The following GARS1 variants were observed in gnomAD, a reference collection of about 807,000 sequenced individuals.
GARS1 encodes glycine--tRNA ligase.
Under a neutral mutation model 86.4 loss-of-function variants are expected in GARS1, and 46 were observed. The observed-to-expected ratio is 0.53, with a 90% CI of 0.42 to 0.68. The LOEUF is 0.68. GARS1 is among the 30% of genes least tolerant of loss of function. GARS1 has a pLI of 0.00. For synonymous variants in GARS1, 342 were observed against 329.8 expected (o/e 1.04, Z -0.40); for missense variants, 797 against 915.6 (o/e 0.87, Z 1.67).
At chr7:30,607,440 G>C (rs1027920181) in intron 6 of GARS1, among the ~76,000 whole-genome samples, 3 of 150,824 alleles carry the variant, frequency 2.0e-5, no homozygotes, top group Non-Finnish European at 2.9e-5. Context: ...AGCAAACTCT[G>C]ACAAGGACAG....
chr7:30,600,107 T>A, intron 3 of GARS1, 58 bp downstream of exon 3: 1 of 1,209,256 alleles, frequency 8.3e-7, no homozygotes, highest in Non-Finnish European at 1.2e-6. Context: ...ATATTATACT[T>A]AAATCAAGAA....
At chr7:30,613,183 T>C (rs956473687) in intron 8 of GARS1, among the ~76,000 whole-genome samples, 1 of 152,192 alleles carries the variant, frequency 6.6e-6, no homozygotes, top group African/African-American at 2.4e-5. Context: ...TGGGAGAAGA[T>C]GCCTATGTTC....
chr7:30,630,406 T>C (rs2128136060), intron 14 of GARS1, among the ~76,000 whole-genome samples: 1 of 152,342 alleles, frequency 6.6e-6, no homozygotes, highest in South Asian at 2.1e-4. Flanking sequence ...TATTCTGTGT[T>C]TTTGCCTTCA....
chr7:30,598,377 C>CTTTTTTTTTTTTTTTTTTTT (rs1174085518), intron 1 of GARS1, among the ~76,000 whole-genome samples: 2 of 99,612 alleles, frequency 2.0e-5, no homozygotes, highest in Non-Finnish European at 4.0e-5. Flanking sequence ...TTGCATCATT[C>CTTTTTTTTTTTTTTTTTTTT]TTTTTTTTTT....
At chr7:30,595,881 G>A (rs1791237002) in intron 1 of GARS1, 1 of 471,058 alleles carries the variant, frequency 2.1e-6, no homozygotes. Flanking sequence ...GTGTTGCGGA[G>A]TGAAGTCAGC....
At chr7:30,604,927 A>C (rs1011947999) in intron 6 of GARS1, among the ~76,000 whole-genome samples, 1 of 152,230 alleles carries the variant, frequency 6.6e-6, no homozygotes, top group Non-Finnish European at 1.5e-5. Context: ...AGAGTTGGGA[A>C]GTAACTAGTT....
intron 13 of GARS1, among the ~76,000 whole-genome samples, chr7:30,628,011 C>T (rs1274516665): frequency 1.3e-5 from 2 of 152,172 alleles, no homozygotes; most frequent in Non-Finnish European, 2.9e-5. Context: ...CATTTTTACA[C>T]AGTATAAACA....
intron 13 of GARS1, among the ~76,000 whole-genome samples, chr7:30,626,626 CAG>C (rs1330859056): frequency 1.3e-5 from 2 of 152,230 alleles, no homozygotes; most frequent in African/African-American, 4.8e-5. Context: ...GCTGAGATTA[CAG>C]GCATGAGTGA....
In GARS1 at chr7:30,622,742, A is replaced by C. The variant is rs1388551799; in HGVS notation, c.1613+280A>C. 2.4e-5 allele frequency: 10 copies of C among 418,300 alleles called. No homozygotes were observed. In the Admixed American group the frequency reaches 2.5e-4, roughly 11 times the overall value. 25.9% of individuals were successfully genotyped at this position (418,300 alleles called of 1,614,324 possible). A position where few individuals can be genotyped will look rare whatever the true frequency, so the allele number is the denominator to read the frequency against. On this transcript the variant is annotated intron_variant, in intron 12 of 16. Coordinates refer to ENST00000389266, the MANE Select transcript of GARS1 (RefSeq NM_002047.4). ...TTAGAAACTACATCTACTATCTCTC[A>C]GGTCACTTCTCTCTCCTTTTTGGAG... is the stretch of plus-strand genomic sequence containing the variant.
rs755658988 is a variant in GARS1, at chr7:30,626,262, A to C, written c.1642A>C (p.Thr548Pro). 1.2e-5 allele frequency: 20 copies of C among 1,608,148 alleles called. No individual in the cohort carries two copies. The highest frequency in any genetic ancestry group is 8.3e-5 in the Admixed American group (5 of 59,976). ...ATTCACAATTGAAACTGAAGGGAAA[A>C]CATTTCAGTTAACAAAAGACATGAT... is the stretch of plus-strand genomic sequence containing the variant. The part of the protein sequence containing the change: ...GEFTIETEGK[T>P]FQLTKDMINV... The change falls in exon 13 of 17, where the codon ACA (threonine) becomes CCA (proline). Residue 548 changes from threonine (T) to proline (P), a missense_variant. This residue lies in a region of GARS1 where 598 missense variants were observed against 738.7 expected (regional missense o/e 0.81). Transcript: ENST00000389266.
chr7:30,620,407 T>TCACATATGTGAGGATGAGGGCA (rs1782981262), intron 10 of GARS1, among the ~76,000 whole-genome samples: 1 of 152,126 alleles, frequency 6.6e-6, no homozygotes, highest in Non-Finnish European at 1.5e-5. Flanking sequence ...TGTTGTATCC[T>TCACATATGTGAGGATGAGGGCA]CACATGGTGA....
At chr7:30,603,709 A>T in intron 6 of GARS1, 137 bp downstream of exon 6, 1 of 692,026 alleles carries the variant, frequency 1.4e-6, no homozygotes, top group South Asian at 1.6e-5. Flanking sequence ...TGTCCTGTAT[A>T]GCGTCTCTTT....
At chr7:30,604,850 G>A (rs1791450570) in intron 6 of GARS1, among the ~76,000 whole-genome samples, 1 of 152,174 alleles carries the variant, frequency 6.6e-6, no homozygotes, top group Non-Finnish European at 1.5e-5. Flanking sequence ...CAGAATTTTA[G>A]ATTTACTGAG....
chr7:30,601,015 A>G (rs1266584362), intron 3 of GARS1, 44 bp from the exon 4 acceptor site: 1 of 1,598,672 alleles, frequency 6.3e-7, no homozygotes, highest in Admixed American at 1.7e-5. Flanking sequence ...TCATTTGTTC[A>G]GAGTAACAAG....
chr7:30,598,923 A>ACCTACTTAT (rs767369234), intron 2 of GARS1, 26 bp downstream of exon 2: 1 of 1,538,712 alleles, frequency 6.5e-7, no homozygotes, highest in Admixed American at 1.7e-5. Context: ...CTAAAATAGG[A>ACCTACTTAT]ACATAAGTAG....
In GARS1 at chr7:30,603,105, C is replaced by T. The variant is rs1432382806; in HGVS notation, c.641C>T (p.Ala214Val). The change falls in exon 5 of 17, where the codon GCT (alanine) becomes GTT (valine). Residue 214 changes from alanine (A) to valine (V), a missense_variant. Around this residue, in one of 2 missense-constraint regions of GARS1, gnomAD observed 598 missense variants for 738.7 expected, o/e 0.81. Transcript: ENST00000389266. Reference protein sequence around the residue: ...KDVKNGECFRADHLLKAHLQK... With the variant: ...KDVKNGECFRVDHLLKAHLQK... Reference sequence around the variant, plus strand: ...GTAAAAAATGGAGAATGTTTTCGTGCTGACCATCTATTAAAAGGTGAGGTT... The same window carrying T: ...GTAAAAAATGGAGAATGTTTTCGTGTTGACCATCTATTAAAAGGTGAGGTT... 1 of 1,613,420 alleles carries T rather than the reference C, an allele frequency of 6.2e-7. No individual in the cohort carries two copies. Among genetic ancestry groups the T allele is most frequent in the Admixed American group, 1.7e-5 (1 of 60,012 alleles).
At position 30,632,032 on chromosome 7, in the gene GARS1, CT is replaced by C; in HGVS notation, c.1904-214del. The C allele has an allele frequency of 1.7e-6, 1 of 572,456 alleles. No individual in the cohort carries two copies. The highest frequency in any genetic ancestry group is 3.1e-6 in the Non-Finnish European group (1 of 319,256). 35.5% of individuals were successfully genotyped at this position (572,456 alleles called of 1,614,324 possible). On this transcript the variant is annotated intron_variant, in intron 15 of 16. Coordinates refer to ENST00000389266, the MANE Select transcript of GARS1 (RefSeq NM_002047.4). The surrounding 1 kb of genome is among the most constrained non-coding windows in gnomAD (Gnocchi z 4.1). ...GCTCTTGGTCCCATATTTGTTCCCC[CT>C]ATAGCTGTATCAGATGGAGGTATGA...
chr7:30,619,942 T>C (rs1327735024), intron 10 of GARS1, among the ~76,000 whole-genome samples: 1 of 151,872 alleles, frequency 6.6e-6, no homozygotes, highest in Non-Finnish European at 1.5e-5. Flanking sequence ...TGCACCCAGC[T>C]AATTTTTGTA....
intron 2 of GARS1, among the ~76,000 whole-genome samples, chr7:30,599,394 A>C (rs894965915): frequency 1.3e-5 from 2 of 152,082 alleles, no homozygotes; most frequent in Non-Finnish European, 2.9e-5. Context: ...ATCTACATCA[A>C]AGTAAACTTA....
Sources: allele counts gnomAD v4.1 joint callset (sites outside exome capture counted in the v4.1 genomes callset), GRCh38; gene constraint gnomAD v4.1.1; regional missense constraint gnomAD v4.1.1; non-coding constraint Gnocchi (gnomAD v3.1); transcripts MANE v1.5; gene names NCBI Gene and HGNC (gene_info 2026-07-23, HGNC 2026-07-21).